Variants in SLC44A5 observed in about 807,000 individuals in gnomAD.
SLC44A5 encodes solute carrier family 44 member 5.
SLC44A5 carries 57 observed loss-of-function variants against 101.8 expected under a neutral mutation model. That is an observed-to-expected ratio of 0.56 (90% confidence interval 0.45 to 0.70). The LOEUF (loss-of-function observed/expected upper bound fraction) is 0.70, where lower values mean the gene tolerates loss of function less well. SLC44A5 is among the 30% of genes least tolerant of loss of function. SLC44A5 has a pLI of 0.00. For synonymous variants in SLC44A5, 281 were observed against 290.9 expected, an observed-to-expected ratio of 0.97 and a Z score of 0.35; for missense variants, 737 against 853.1, an observed-to-expected ratio of 0.86 and a Z score of 1.70.
the SLC44A5 span, among the ~76,000 whole-genome samples, chr1:75,708,053 T>G: frequency 6.6e-6 from 1 of 152,092 alleles, no homozygotes; most frequent in African/African-American, 2.4e-5. Context: ...ATAATTTTAT[T>G]TGACAAGGCT....
At chr1:75,669,828 T>C in the SLC44A5 span, among the ~76,000 whole-genome samples, 3 of 152,286 alleles carry the variant, frequency 2.0e-5, no homozygotes, top group Middle Eastern at 3.4e-3. Context: ...TACCAGGAGC[T>C]TTACTAAATT....
intron 2 of SLC44A5, among the ~76,000 whole-genome samples, chr1:75,511,008 T>C (rs1669538887): frequency 6.6e-6 from 1 of 152,128 alleles, no homozygotes; most frequent in Admixed American, 6.5e-5. Context: ...CTGGGCGTGG[T>C]GGCAGGAGCC....
At chr1:75,507,179 T>G (rs1164157993) in intron 2 of SLC44A5, among the ~76,000 whole-genome samples, 1 of 152,168 alleles carries the variant, frequency 6.6e-6, no homozygotes, top group Non-Finnish European at 1.5e-5. Flanking sequence ...ATGTTGGCAA[T>G]GGGTTTATCA....
intron 4 of SLC44A5, among the ~76,000 whole-genome samples, chr1:75,338,304 G>C (rs1300491762): frequency 6.6e-6 from 1 of 152,100 alleles, no homozygotes; most frequent in Non-Finnish European, 1.5e-5. Context: ...CTACATAATG[G>C]AAGACAGGAG....
chr1:75,213,606 C>G, intron 22 of SLC44A5, 99 bp downstream of exon 22: 2 of 889,264 alleles, frequency 2.2e-6, no homozygotes. Flanking sequence ...GACTTCCCAG[C>G]CTTCAGAACT....
the SLC44A5 span, among the ~76,000 whole-genome samples, chr1:75,684,113 G>C: frequency 6.6e-6 from 1 of 152,160 alleles, no homozygotes; most frequent in East Asian, 1.9e-4. Flanking sequence ...CAAGAGAGAA[G>C]CGTAGGGGAA....
At chr1:75,659,443 GGGAAGGAAGGAAGGAA>G in the SLC44A5 span, among the ~76,000 whole-genome samples, 1 of 61,106 alleles carries the variant, frequency 1.6e-5, no homozygotes, top group Non-Finnish European at 3.1e-5. Flanking sequence ...GAGGGAGGGA[GGGAAGGAAGGAAGGAA>G]GGAAGGAAGG....
chr1:75,518,754 A>G (rs905150373), intron 2 of SLC44A5, among the ~76,000 whole-genome samples: 2 of 152,210 alleles, frequency 1.3e-5, no homozygotes, highest in Non-Finnish European at 2.9e-5. Flanking sequence ...AGTCCCAAAG[A>G]GCACATATTG....
At chr1:75,317,009 G>A (rs1440890562) in intron 4 of SLC44A5, among the ~76,000 whole-genome samples, 1 of 152,182 alleles carries the variant, frequency 6.6e-6, no homozygotes, top group Non-Finnish European at 1.5e-5. Context: ...GATAACATTT[G>A]AACCAAAATT....
the SLC44A5 span, among the ~76,000 whole-genome samples, chr1:75,640,034 C>T: frequency 6.6e-6 from 1 of 151,994 alleles, no homozygotes; most frequent in South Asian, 2.1e-4. Context: ...GGGGAAAAGG[C>T]CTTTTACTTT....
chr1:75,494,483 G>A (rs1331514907), intron 2 of SLC44A5, among the ~76,000 whole-genome samples: 1 of 152,108 alleles, frequency 6.6e-6, no homozygotes, highest in Admixed American at 6.5e-5. Flanking sequence ...CTGGCTCCTG[G>A]AGCTGATGAG....
At chr1:75,269,477 C>T (rs551096176) in intron 6 of SLC44A5, among the ~76,000 whole-genome samples, 48 of 151,818 alleles carry the variant, frequency 3.2e-4, no homozygotes, top group Non-Finnish European at 4.9e-4. Context: ...TTTTCTTAAC[C>T]CCATAATTCT....
At chr1:75,271,837 T>C (rs1651505523) in intron 6 of SLC44A5, among the ~76,000 whole-genome samples, 1 of 152,150 alleles carries the variant, frequency 6.6e-6, no homozygotes, top group South Asian at 2.1e-4. Flanking sequence ...TACCCAGTAA[T>C]GGGATTGCTG....
chr1:75,390,739 C>A (rs1403921498), intron 3 of SLC44A5, among the ~76,000 whole-genome samples: 2 of 152,068 alleles, frequency 1.3e-5, no homozygotes, highest in African/African-American at 4.8e-5. Flanking sequence ...CAACATCATA[C>A]TAAAAGAGCA....
chr1:75,496,077 T>C (rs1169458089), intron 2 of SLC44A5, among the ~76,000 whole-genome samples: 4 of 152,134 alleles, frequency 2.6e-5, no homozygotes, highest in Non-Finnish European at 4.4e-5. Context: ...ATCAAATTTT[T>C]AAAAGCAATT....
In SLC44A5 at chr1:75,237,042, A is replaced by G; in HGVS notation, c.685T>C (p.Ser229Pro). The G allele has an allele frequency of 6.2e-7, 1 of 1,602,638 alleles. No homozygotes were observed. ...TCTTCAAACACTTTCAATCCAAGTG[A>G]CTTTGCATCAAGAAGTTTATTGATA... The part of the protein sequence containing the change: ...NGINKLLDAK[S>P]LGLKVFEDYA... Residue 229 changes from serine to proline, a missense_variant, in exon 11 of 24, where the codon TCA (serine) becomes CCA (proline). By Grantham distance (74) the Ser-to-Pro change is moderately conservative (BLOSUM62 -1). This residue lies in a region of SLC44A5 where 665 missense variants were observed against 764.4 expected (regional missense o/e 0.87). Transcript: ENST00000370859.
At chr1:75,346,141 C>T (rs1449037110) in intron 3 of SLC44A5, among the ~76,000 whole-genome samples, 2 of 152,100 alleles carry the variant, frequency 1.3e-5, no homozygotes, top group African/African-American at 4.8e-5. Context: ...AATGGAAATG[C>T]AAATGAGATT....
In SLC44A5 at chr1:75,304,074, C is replaced by CA. The variant is rs559548548; in HGVS notation, c.102-3390dup. 3.9e-3 allele frequency among the ~76,000 whole-genome samples: 566 copies of CA among 146,518 alleles called. 2 individuals are homozygous for CA. Among genetic ancestry groups the CA allele is most frequent in the Non-Finnish European group, 5.4e-3 (357 of 66,128 alleles). ...CATACAAATAAAGGATATAAATATC[C>CA]AAAAAAAAAAGTCTGCTTTGTTTTT... is the stretch of plus-strand genomic sequence containing the variant. On this transcript the variant is annotated intron_variant, in intron 4 of 23. Transcript: ENST00000370859.
intron 6 of SLC44A5, among the ~76,000 whole-genome samples, chr1:75,260,423 A>G (rs1234135076): frequency 2.0e-5 from 3 of 152,182 alleles, no homozygotes; most frequent in African/African-American, 7.2e-5. Flanking sequence ...CAAAAGAGAC[A>G]AAGAAGGGCA....
Sources: allele counts gnomAD v4.1 joint callset (sites outside exome capture counted in the v4.1 genomes callset), GRCh38; gene constraint gnomAD v4.1.1; regional missense constraint gnomAD v4.1.1; transcripts MANE v1.5; gene names NCBI Gene and HGNC (gene_info 2026-07-23, HGNC 2026-07-21).